The following CRYGN variants were observed in gnomAD, a reference collection of about 807,000 sequenced individuals.
The protein encoded by CRYGN is gamma-crystallin N.
CRYGN carries 17 observed loss-of-function variants against 19.2 expected under a neutral mutation model. The ratio of observed to expected loss-of-function variants is 0.89; its 90% confidence interval spans 0.61 to 1.33. CRYGN has a LOEUF of 1.33. Ranked by LOEUF, CRYGN falls within the 40% of genes most tolerant of loss-of-function variation. The pLI is 0.00. For synonymous variants in CRYGN, 84 were observed against 85.8 expected, an observed-to-expected ratio of 0.98 and a Z score of 0.12; for missense variants, 239 against 239.6, an observed-to-expected ratio of 1.00 and a Z score of 0.02.
chr7:151,437,281 G>T (rs75484202), intron 2 of CRYGN, among the ~76,000 whole-genome samples: 1 of 152,144 alleles, frequency 6.6e-6, no homozygotes. Flanking sequence ...AGACATAAGC[G>T]AGACGCTCTG....
chr7:151,432,360 C>T, intron 3 of CRYGN: 1 of 882,792 alleles, frequency 1.1e-6, no homozygotes, highest in Non-Finnish European at 1.5e-6. Context: ...GCCTGCACAG[C>T]CTGGCCACCC....
Position 151,439,900 on chromosome 7 carries a change from C to G in CRYGN, c.18G>C (p.Gly6=), listed in dbSNP as rs762852290. Residue 6 remains glycine, a synonymous_variant, in exon 1 of 4, where the codon GGG becomes GGC. Coordinates refer to ENST00000337323, the MANE Select transcript of CRYGN (RefSeq NM_144727.3). The part of the protein sequence containing the change: MAQRS[G]KITLYEGKHF... ...TGGGGTTGAGGGACGCACTCACCTT[C>G]CCCGAGCGCTGCGCCATGGTGCGCC... The G allele has an allele frequency of 7.7e-6, 12 of 1,556,274 alleles. No individual in the cohort carries two copies. The highest frequency in any genetic ancestry group is 1.0e-5 in the Non-Finnish European group (12 of 1,152,476).
chr7:151,433,016 T>C lies in CRYGN; in HGVS notation c.417-2836A>G, dbSNP rs2150906398. Among the ~76,000 whole-genome samples, 1 of 152,274 alleles carries C rather than the reference T, an allele frequency of 6.6e-6. No individual in the cohort carries two copies. The highest frequency in any genetic ancestry group is 1.5e-5 in the Non-Finnish European group (1 of 68,006). ...TGCCCCCTCCTGCCCTCACGGGGCC[T>C]CCCCTGCAGAGGAAATGGGCTGTGG... On this transcript the variant is annotated intron_variant, in intron 3 of 3. Coordinates refer to ENST00000337323, the MANE Select transcript of CRYGN (RefSeq NM_144727.3). This position sits in a 1 kb window ranked among gnomAD's most constrained non-coding sequence, Gnocchi z 5.1.
Position 151,439,930 on chromosome 7 carries a change from C to G in CRYGN, c.-13G>C. ...AGCGCTGCGCCATGGTGCGCCCCGC[C>G]CCTTCCGCGGGTCCCCGTTTACACC... On this transcript the variant is annotated 5_prime_UTR_variant, in exon 1 of 4. Coordinates refer to ENST00000337323, the MANE Select transcript of CRYGN (RefSeq NM_144727.3). 2.6e-6 allele frequency: 4 copies of G among 1,538,054 alleles called. No individual in the cohort carries two copies. Among genetic ancestry groups the G allele is most frequent in the Non-Finnish European group, 3.5e-6 (4 of 1,142,914 alleles).
rs1308428757 is a variant in CRYGN, at chr7:151,440,078, G to A, written c.-161C>T. 7.4e-7 allele frequency: 1 copy of A among 1,360,314 alleles called. No individual in the cohort carries two copies. The highest frequency in any genetic ancestry group is 9.4e-7 in the Non-Finnish European group (1 of 1,060,838). The allele number at this position is 1,360,314 out of a possible 1,614,324, so 84.3% of individuals were successfully genotyped here. ...CACCAGGCGGTTGGGACCCGCCGCG[G>A]CCACCCTGTGCCACCGCGAGTGCAG... On this transcript the variant is annotated 5_prime_UTR_variant, in exon 1 of 4. Coordinates refer to ENST00000337323, the MANE Select transcript of CRYGN (RefSeq NM_144727.3).
rs780854860 is a variant in CRYGN at position 151,430,828 on chromosome 7, G to A, written c.417-648C>T. Among the ~76,000 whole-genome samples the A allele has an allele frequency of 6.6e-6, 1 of 152,206 alleles. No individual in the cohort carries two copies. Among genetic ancestry groups the A allele is most frequent in the Non-Finnish European group, 1.5e-5 (1 of 68,040 alleles). On this transcript the variant is annotated intron_variant, in intron 3 of 3. Coordinates refer to ENST00000337323, the MANE Select transcript of CRYGN (RefSeq NM_144727.3). This position sits in a 1 kb window ranked among gnomAD's most constrained non-coding sequence, Gnocchi z 5.2. ...CCGGGAACTGAGAGGCCAGTCGGGAGCCAGTTGGTTGGGGGGACTCTGGGA... is the reference window on the plus strand; with the variant it reads ...CCGGGAACTGAGAGGCCAGTCGGGAACCAGTTGGTTGGGGGGACTCTGGGA...
chr7:151,432,202 T>C, intron 3 of CRYGN: 1 of 1,232,122 alleles, frequency 8.1e-7, no homozygotes, highest in Non-Finnish European at 1.0e-6. Context: ...GCTGTGGGCC[T>C]CCCAGTCCGA....
Position 151,429,006 on chromosome 7 carries a change from G to A in CRYGN, c.*1042C>T, listed in dbSNP as rs1801408597. The A allele has an allele frequency of 6.5e-6, 1 of 152,688 alleles. No homozygotes were observed. The allele number at this position is 152,688 out of a possible 1,614,324, so 9.5% of individuals were successfully genotyped here. On this transcript the variant is annotated 3_prime_UTR_variant, in exon 4 of 4. Transcript: ENST00000337323. ...CTAAGCCTTGGTGCTGGGGAGGAGA[G>A]GAAGAGTTCAGGGGAAGCCTCTGGA...
Position 151,430,651 on chromosome 7 carries a change from G to A in CRYGN, c.417-471C>T, listed in dbSNP as rs568912239. The stretch of plus-strand genomic sequence containing the variant: ...TACTCCATCACCCCCTAGGCCTGTC[G>A]GGGTGTCTCAGTTCAACTCAGATAG... On this transcript the variant is annotated intron_variant, in intron 3 of 3. Transcript: ENST00000337323. This position sits in a 1 kb window ranked among gnomAD's most constrained non-coding sequence, Gnocchi z 5.2. Among the ~76,000 whole-genome samples, 10 of 152,294 alleles carry A rather than the reference G, an allele frequency of 6.6e-5. No homozygotes were observed. The highest frequency in any genetic ancestry group is 2.6e-4 in the Admixed American group (4 of 15,296).
rs936062887 is a variant in CRYGN, at chr7:151,437,250, C to T, written c.270+746G>A. Among the ~76,000 whole-genome samples the T allele has an allele frequency of 4.6e-5, 7 of 152,280 alleles. No individual in the cohort carries two copies. In the East Asian group the frequency reaches 7.7e-4, roughly 17 times the overall value. On this transcript the variant is annotated intron_variant, in intron 2 of 3. Coordinates refer to ENST00000337323, the MANE Select transcript of CRYGN (RefSeq NM_144727.3). ...GTTCACCAGAACCACCCAGCCCAGGCGTCGGGGGAGGGTCCTCAGCAGACA... is the reference window on the plus strand; with the variant it reads ...GTTCACCAGAACCACCCAGCCCAGGTGTCGGGGGAGGGTCCTCAGCAGACA...
At chr7:151,432,466 G>A (rs1801495156) in intron 3 of CRYGN, among the ~76,000 whole-genome samples, 1 of 152,202 alleles carries the variant, frequency 6.6e-6, no homozygotes, top group Non-Finnish European at 1.5e-5. Context: ...ATGCTGGGGT[G>A]TGACATGTGT....
Position 151,429,747 on chromosome 7 carries a change from A to T in CRYGN, c.*301T>A. The T allele has an allele frequency of 2.2e-6, 1 of 444,740 alleles. No individual in the cohort carries two copies. The highest frequency in any genetic ancestry group is 4.1e-6 in the Non-Finnish European group (1 of 242,966). The allele number at this position is 444,740 out of a possible 1,614,324, so 27.5% of individuals were successfully genotyped here. On this transcript the variant is annotated 3_prime_UTR_variant, in exon 4 of 4. Coordinates refer to ENST00000337323, the MANE Select transcript of CRYGN (RefSeq NM_144727.3). ...GGCATTAAGTCAGTGCTCCATAAAT[A>T]TTCATCAACATCATCACCATCATCA...
chr7:151,438,075 A>T lies in CRYGN; in HGVS notation c.191T>A (p.Leu64Ter). 1.2e-6 allele frequency: 2 copies of T among 1,614,150 alleles called. No individual in the cohort carries two copies. The highest frequency in any genetic ancestry group is 1.7e-6 in the Non-Finnish European group (2 of 1,180,026). The change falls in exon 2 of 4, where the codon TTG becomes TAG. Residue 64 changes from leucine to a stop codon, truncating the protein, a stop_gained. Coordinates refer to ENST00000337323, the MANE Select transcript of CRYGN (RefSeq NM_144727.3). LOFTEE classifies it high-confidence loss of function. ...HPDFRGQQFI[L>*]EHGDYPDFFR... The stretch of plus-strand genomic sequence containing the variant: ...GAAGTCGGGGTAGTCGCCGTGCTCC[A>T]AGATGAACTGCTGGCCCCGGAAGTC...
rs1270012450 is a variant in CRYGN at position 151,435,554 on chromosome 7, G to A, written c.416+626C>T. ...TGGTTGACCAGGAGGAAACCCAAGT[G>A]TGGGGCAGACAAACCCATCTGGGCC... is the stretch of plus-strand genomic sequence containing the variant. On this transcript the variant is annotated intron_variant, in intron 3 of 3. Transcript: ENST00000337323. The surrounding 1 kb of genome is among the most constrained non-coding windows in gnomAD (Gnocchi z 4.2). Among the ~76,000 whole-genome samples, 1 of 152,158 alleles carries A rather than the reference G, an allele frequency of 6.6e-6. No individual in the cohort carries two copies. Among genetic ancestry groups the A allele is most frequent in the Non-Finnish European group, 1.5e-5 (1 of 68,026 alleles).
In CRYGN at chr7:151,431,226, T is replaced by G. The variant is rs967844711; in HGVS notation, c.417-1046A>C. ...AGAGTTCCCCTCGTGGGACCTTTCCTCTCTCCCCAGTGAGTTGGAAGCATA... is the reference window on the plus strand; with the variant it reads ...AGAGTTCCCCTCGTGGGACCTTTCCGCTCTCCCCAGTGAGTTGGAAGCATA... On this transcript the variant is annotated intron_variant, in intron 3 of 3. Transcript: ENST00000337323. The surrounding 1 kb of genome is among the most constrained non-coding windows in gnomAD (Gnocchi z 4.8). 3.9e-5 allele frequency among the ~76,000 whole-genome samples: 6 copies of G among 152,156 alleles called. No homozygotes were observed. The highest frequency in any genetic ancestry group is 4.2e-4 in the South Asian group (2 of 4,814).
chr7:151,440,131 T>C lies in CRYGN; in HGVS notation c.-214A>G. 7.5e-7 allele frequency: 1 copy of C among 1,334,540 alleles called. No homozygotes were observed. Among genetic ancestry groups the C allele is most frequent in the East Asian group, 3.1e-5 (1 of 32,592 alleles). 82.7% of individuals were successfully genotyped at this position (1,334,540 alleles called of 1,614,324 possible). A position where few individuals can be genotyped will look rare whatever the true frequency, so the allele number is the denominator to read the frequency against. On this transcript the variant is annotated 5_prime_UTR_variant, in exon 1 of 4. Transcript: ENST00000337323. The stretch of plus-strand genomic sequence containing the variant: ...CGCCCTGCCCGGGGTCTCCCTGTGC[T>C]CTCCGCGTTTAGCTCCCGAGCCTCC...
chr7:151,429,948 A>G lies in CRYGN; in HGVS notation c.*100T>C. On this transcript the variant is annotated 3_prime_UTR_variant, in exon 4 of 4. Coordinates refer to ENST00000337323, the MANE Select transcript of CRYGN (RefSeq NM_144727.3). ...ACACAGAAGGCTCCACCTCCCTAACAAACTGGCAGAGAAATGAAAACTGAG... is the reference window on the plus strand; with the variant it reads ...ACACAGAAGGCTCCACCTCCCTAACGAACTGGCAGAGAAATGAAAACTGAG... 1 of 752,824 alleles carries G rather than the reference A, an allele frequency of 1.3e-6. No homozygotes were observed. Among genetic ancestry groups the G allele is most frequent in the Non-Finnish European group, 2.5e-6 (1 of 405,548 alleles). The allele number at this position is 752,824 out of a possible 1,614,324, so 46.6% of individuals were successfully genotyped here.
At chr7:151,437,505 T>C (rs969581942) in intron 2 of CRYGN, among the ~76,000 whole-genome samples, 6 of 152,154 alleles carry the variant, frequency 3.9e-5, no homozygotes, top group Non-Finnish European at 7.4e-5. Context: ...GGCAGCTACC[T>C]GTGTAATTCC....
At position 151,436,230 on chromosome 7, in the gene CRYGN, C is replaced by T. The variant is rs1563081547; in HGVS notation, c.366G>A (p.Arg122=). 21 of 1,596,304 alleles carry T rather than the reference C, an allele frequency of 1.3e-5. 1 individual carries two copies. In the African/African-American group the frequency reaches 1.9e-4, roughly 14 times the overall value. Reference sequence around the variant, plus strand: ...TGTTCACACAGTTCTTGACCCAGCCCCTGCTCTGGAGGAAGGGGCTGTCCT... The same window carrying T: ...TGTTCACACAGTTCTTGACCCAGCCTCTGCTCTGGAGGAAGGGGCTGTCCT... ...FLEDSPFLQS[R]GWVKNCVNTI... The change falls in exon 3 of 4, where the codon AGG becomes AGA. Residue 122 remains arginine (R), a synonymous_variant. Transcript: ENST00000337323. The surrounding 1 kb of genome is among the most constrained non-coding windows in gnomAD (Gnocchi z 5.1).
Sources: gnomAD v4.1 joint callset for allele counts (sites outside exome capture counted in the v4.1 genomes callset) on GRCh38, gnomAD v4.1.1 for gene constraint, Gnocchi (gnomAD v3.1) non-coding constraint, MANE v1.5 for transcripts, NCBI Gene and HGNC (gene_info 2026-07-23, HGNC 2026-07-21) for gene names.